Variants in GTF3C1 observed in about 807,000 individuals in gnomAD.
GTF3C1 encodes the protein general transcription factor IIIC subunit 1.
A neutral mutation model predicts 226.7 loss-of-function variants in GTF3C1; 57 were observed. The ratio of observed to expected loss-of-function variants is 0.25; its 90% CI spans 0.20 to 0.31. GTF3C1 has a LOEUF of 0.31. Ranked by LOEUF, GTF3C1 falls within the 10% of genes least tolerant of loss-of-function variation. The pLI, the probability that GTF3C1 is intolerant of heterozygous loss-of-function variation, is 1.00. For synonymous variants in GTF3C1, 1,090 were observed against 1,084.8 expected (o/e 1.00, Z -0.09); for missense variants, 2,217 against 2,776.1 (o/e 0.80, Z 4.53).
In GTF3C1 at chr16:27,497,618, A is replaced by G. The variant is rs2088339176; in HGVS notation, c.2350+19T>C. On this transcript the variant is annotated intron_variant, in intron 14 of 36. Transcript: ENST00000356183. ...ACAAATCAAATGTAACTAAACACAG[A>G]CAAGAAGCTGCAGCTTACCTACAAT... 3 of 1,590,536 alleles carry G rather than the reference A, an allele frequency of 1.9e-6. 1 individual carries two copies. The African/African-American group carries it at 4.0e-5, about 21-fold the overall frequency.
At position 27,506,083 on chromosome 16, in the gene GTF3C1, T is replaced by C; in HGVS notation, c.1586A>G (p.Lys529Arg). 1.2e-6 allele frequency: 2 copies of C among 1,613,086 alleles called. No individual in the cohort carries two copies. Among genetic ancestry groups the C allele is most frequent in the African/African-American group, 1.3e-5 (1 of 75,000 alleles). ...GWKVVNLHPL[K>R]KQPPSFPGAA... Reference sequence around the variant, plus strand: ...TCCTGGGAAGGAGGGCGGCTGCTTTTTCAATGGGTGTAGGTTTACAACTTT... The same window carrying C: ...TCCTGGGAAGGAGGGCGGCTGCTTTCTCAATGGGTGTAGGTTTACAACTTT... The change falls in exon 10 of 37, where the codon AAA becomes AGA. Residue 529 changes from lysine to arginine, a missense_variant. This residue lies in a region of GTF3C1 where 173 missense variants were observed against 207.2 expected (regional missense o/e 0.83). Coordinates refer to ENST00000356183, the MANE Select transcript of GTF3C1 (RefSeq NM_001520.4).
intron 12 of GTF3C1, 72 bp downstream of exon 12, chr16:27,501,119 G>T: frequency 7.9e-7 from 1 of 1,260,584 alleles, no homozygotes; most frequent in Non-Finnish European, 1.1e-6. Flanking sequence ...ATACAGCAAT[G>T]ACAAGAGAAG....
At chr16:27,466,811 C>A (rs1055347732) in intron 32 of GTF3C1, among the ~76,000 whole-genome samples, 5 of 152,326 alleles carry the variant, frequency 3.3e-5, no homozygotes, top group Admixed American at 1.3e-4. Flanking sequence ...TTTCAGCAGT[C>A]TGGATAGATC....
rs745364916 is a variant in GTF3C1 at position 27,486,629 on chromosome 16, C to T, written c.3701-475G>A. 6.0e-4 allele frequency among the ~76,000 whole-genome samples: 92 copies of T among 152,162 alleles called. 1 individual carries two copies. Among genetic ancestry groups the T allele is most frequent in the Non-Finnish European group, 1.2e-3 (80 of 68,036 alleles). ...GCATCTGGGGACAATAAGGCCTCTG[C>T]TCCAGGGCCATGGAGAGGGTGGAAG... On this transcript the variant is annotated intron_variant, in intron 23 of 36. Transcript: ENST00000356183.
chr16:27,546,572 C>A (rs1237238311), intron 1 of GTF3C1, among the ~76,000 whole-genome samples: 2 of 150,422 alleles, frequency 1.3e-5, no homozygotes, highest in African/African-American at 2.5e-5. Flanking sequence ...AACTACCGGG[C>A]TCAAGTAATC....
rs1036198305 is a variant in GTF3C1, at chr16:27,463,398, C to A, written c.5924+143G>T. On this transcript the variant is annotated intron_variant, in intron 35 of 36. Coordinates refer to ENST00000356183, the MANE Select transcript of GTF3C1 (RefSeq NM_001520.4). This position sits in a 1 kb window ranked among gnomAD's most constrained non-coding sequence, Gnocchi z 4.9. ...CTCGCCCACTGCGCCCCTCCAAGTA[C>A]CCCTGCCAAGAACCAAGGTGCCGGG... 7.1e-5 allele frequency: 48 copies of A among 678,348 alleles called. No individual in the cohort carries two copies. In the Middle Eastern group the frequency reaches 1.4e-3, roughly 20 times the overall value. 42.0% of individuals were successfully genotyped at this position (678,348 alleles called of 1,614,324 possible).
In GTF3C1 at chr16:27,489,150, A is replaced by G. The variant is rs1341274611; in HGVS notation, c.3322T>C (p.Leu1108=). Residue 1108 remains leucine (L), a synonymous_variant, in exon 21 of 37, where the codon TTG becomes CTG. Transcript: ENST00000356183. ...GCACCCAGCCCATCTCCAGGGATCA[A>G]GCCTTCATCCACCACCTCACGGCTT... The part of the protein sequence containing the change: ...TGSREVVDEG[L]IPGDGLGAAG... 1.2e-6 allele frequency: 2 copies of G among 1,614,082 alleles called. No homozygotes were observed. The highest frequency in any genetic ancestry group is 2.7e-5 in the African/African-American group (2 of 74,936).
rs1471970538 is a variant in GTF3C1 at position 27,549,711 on chromosome 16, A to G, written c.180T>C (p.Tyr60=). 1.2e-6 allele frequency: 2 copies of G among 1,603,766 alleles called. No individual in the cohort carries two copies. ...GGTCGGGTCGCTCCCGAGGCTCCTC[A>G]TAGAAGCTGATGCCCGGGTGCGTGG... The part of the protein sequence containing the change: ...ALATHPGISF[Y]EEPRERPDLQ... The change falls in exon 1 of 37, where the codon TAT becomes TAC. Residue 60 remains tyrosine (Y), a synonymous_variant. Coordinates refer to ENST00000356183, the MANE Select transcript of GTF3C1 (RefSeq NM_001520.4).
intron 2 of GTF3C1, among the ~76,000 whole-genome samples, chr16:27,539,471 C>T (rs1025224379): frequency 6.6e-6 from 1 of 152,218 alleles, no homozygotes; most frequent in African/African-American, 2.4e-5. Context: ...GCCTGGCCTG[C>T]TCAATCCAAC....
rs767071361 is a variant in GTF3C1, at chr16:27,506,014, C to G, written c.1655G>C (p.Ser552Thr). 2 of 1,613,462 alleles carry G rather than the reference C, an allele frequency of 1.2e-6. No individual in the cohort carries two copies. The highest frequency in any genetic ancestry group is 1.7e-5 in the Admixed American group (1 of 60,032). ...RACQSLASRD[S>T]LLDTSSVSEP... is the part of the protein sequence containing the mutation. ...TGAGACGCTGCTGGTATCTAAGAGG[C>G]TGTCCCTGCTGGCAAGGCTCTGGCA... The change falls in exon 10 of 37, where the codon AGC (serine) becomes ACC (threonine). Residue 552 changes from serine (S) to threonine (T), a missense_variant. Coordinates refer to ENST00000356183, the MANE Select transcript of GTF3C1 (RefSeq NM_001520.4).
intron 6 of GTF3C1, among the ~76,000 whole-genome samples, chr16:27,520,260 G>T (rs903729451): frequency 1.3e-5 from 2 of 152,178 alleles, no homozygotes; most frequent in East Asian, 3.9e-4. Context: ...GATTACAGGC[G>T]TGCGCTAACA....
In GTF3C1 at chr16:27,470,272, G is replaced by A. The variant is rs373643267; in HGVS notation, c.4650C>T (p.Asn1550=). Residue 1550 remains asparagine, a synonymous_variant, in exon 31 of 37, where the codon AAC becomes AAT. Coordinates refer to ENST00000356183, the MANE Select transcript of GTF3C1 (RefSeq NM_001520.4). The surrounding 1 kb of genome is among the most constrained non-coding windows in gnomAD (Gnocchi z 4.9). ...DRFSFKDQDN[N]EPTNDMVAFS... Reference sequence around the variant, plus strand: ...AGGCCACCATGTCGTTTGTGGGCTCGTTATTATCCTGGTCTTTGAAAGAGA... The same window carrying A: ...AGGCCACCATGTCGTTTGTGGGCTCATTATTATCCTGGTCTTTGAAAGAGA... 65 of 1,613,872 alleles carry A rather than the reference G, an allele frequency of 4.0e-5. No individual in the cohort carries two copies. The highest frequency in any genetic ancestry group is 2.4e-4 in the African/African-American group (18 of 75,038).
intron 29 of GTF3C1, among the ~76,000 whole-genome samples, chr16:27,473,348 C>G (rs774992866): frequency 6.6e-6 from 1 of 152,378 alleles, no homozygotes; most frequent in Non-Finnish European, 1.5e-5. Flanking sequence ...AAGGACTGTG[C>G]AGTCAGCAGA....
chr16:27,531,953 C>G (rs2088923673), intron 5 of GTF3C1, among the ~76,000 whole-genome samples: 1 of 152,118 alleles, frequency 6.6e-6, no homozygotes, highest in South Asian at 2.1e-4. Flanking sequence ...TCCCCTACTA[C>G]AAACAGCAGT....
At chr16:27,513,273 G>GC in intron 6 of GTF3C1, among the ~76,000 whole-genome samples, 1 of 152,250 alleles carries the variant, frequency 6.6e-6, no homozygotes, top group East Asian at 1.9e-4. Context: ...TGGCAGCACA[G>GC]CAAGACCCAA....
Position 27,511,886 on chromosome 16 carries a change from A to G in GTF3C1, c.989T>C (p.Val330Ala). The G allele has an allele frequency of 6.2e-7, 1 of 1,614,084 alleles. No individual in the cohort carries two copies. Among genetic ancestry groups the G allele is most frequent in the East Asian group, 2.2e-5 (1 of 44,876 alleles). The change falls in exon 7 of 37, where the codon GTT (valine) becomes GCT (alanine). Residue 330 changes from valine to alanine, a missense_variant. Physicochemically the swap from Val to Ala is moderately conservative, Grantham distance 64. Around this residue, in one of 12 missense-constraint regions of GTF3C1, gnomAD observed 163 missense variants for 234.3 expected, o/e 0.70. Transcript: ENST00000356183. The part of the protein sequence containing the change: ...CKTKKGTDVM[V>A]RCLKLLKEFK... ...TTCCTTCAGCAGCTTGAGGCACCGA[A>G]CCATGACGTCGGTCCCTGGCAACAC...
Position 27,462,313 on chromosome 16 carries a change from G to A in GTF3C1, c.6098C>T (p.Ala2033Val). ...RHYQGVLQPV[A>V]VLELLQGLES... ...CCACACCTGGAGCAACTCCAGCACG[G>A]CGACGGGCTGCAGGACCCCCTGGTA... is the stretch of plus-strand genomic sequence containing the variant. Residue 2033 changes from alanine to valine, a missense_variant, in exon 36 of 37, where the codon GCC becomes GTC. Physicochemically the swap from Ala to Val is moderately conservative, Grantham distance 64. This residue lies in a region of GTF3C1 where 153 missense variants were observed against 199.8 expected (regional missense o/e 0.77). Transcript: ENST00000356183. This position sits in a 1 kb window ranked among gnomAD's most constrained non-coding sequence, Gnocchi z 4.5. The A allele has an allele frequency of 1.3e-6, 2 of 1,554,378 alleles. No individual in the cohort carries two copies. Among genetic ancestry groups the A allele is most frequent in the Non-Finnish European group, 1.7e-6 (2 of 1,149,422 alleles).
Position 27,462,536 on chromosome 16 carries a change from C to A in GTF3C1, c.5925-50G>T, listed in dbSNP as rs761381159. 5 of 1,442,332 alleles carry A rather than the reference C, an allele frequency of 3.5e-6. No individual in the cohort carries two copies. Among genetic ancestry groups the A allele is most frequent in the Non-Finnish European group, 4.8e-6 (5 of 1,032,442 alleles). The allele number at this position is 1,442,332 out of a possible 1,614,324, so 89.3% of individuals were successfully genotyped here. ...GGGCTTGGTGGGGGCAGGAGGGCAG[C>A]TCGTCCAGACAGAACACTGAGGCTC... is the stretch of plus-strand genomic sequence containing the variant. On this transcript the variant is annotated intron_variant, in intron 35 of 36. Coordinates refer to ENST00000356183, the MANE Select transcript of GTF3C1 (RefSeq NM_001520.4). This position sits in a 1 kb window ranked among gnomAD's most constrained non-coding sequence, Gnocchi z 4.5.
Position 27,492,354 on chromosome 16 carries a change from G to A in GTF3C1, c.3135C>T (p.Cys1045=), listed in dbSNP as rs1469935919. 3.1e-6 allele frequency: 5 copies of A among 1,600,228 alleles called. No individual in the cohort carries two copies. In the Admixed American group the frequency reaches 6.7e-5, roughly 22 times the overall value. Reference sequence around the variant, plus strand: ...GACACCCACCTAGTGGGGTGTTGAGGCAGACGCACTGCAGGTCAAACCAGT... The same window carrying A: ...GACACCCACCTAGTGGGGTGTTGAGACAGACGCACTGCAGGTCAAACCAGT... ...ENYWFDLQCV[C]LNTPLGVVRC... Residue 1045 remains cysteine (C), a synonymous_variant, in exon 19 of 37, where the codon TGC becomes TGT. Coordinates refer to ENST00000356183, the MANE Select transcript of GTF3C1 (RefSeq NM_001520.4). This position sits in a 1 kb window ranked among gnomAD's most constrained non-coding sequence, Gnocchi z 5.0.
Sources: gnomAD v4.1 joint callset for allele counts (sites outside exome capture counted in the v4.1 genomes callset) on GRCh38, gnomAD v4.1.1 for gene constraint, gnomAD v4.1.1 regional missense constraint, Gnocchi (gnomAD v3.1) non-coding constraint, MANE v1.5 for transcripts, NCBI Gene and HGNC (gene_info 2026-07-23, HGNC 2026-07-21) for gene names.